Variants in RNLS observed in about 807,000 individuals in gnomAD.
RNLS encodes renalase.
RNLS carries 39 observed loss-of-function variants against 39.8 expected under a neutral mutation model. The ratio of observed to expected loss-of-function variants is 0.98; its 90% CI spans 0.76 to 1.28. The LOEUF (loss-of-function observed/expected upper bound fraction) is 1.28. Ranked by LOEUF, RNLS falls within the 50% of genes most tolerant of loss-of-function variation. The pLI is 0.00. For missense variants in RNLS, 410 were observed against 413.3 expected, an observed-to-expected ratio of 0.99 and a Z score of 0.07; for synonymous variants, 147 against 150.7, an observed-to-expected ratio of 0.98 and a Z score of 0.18.
chr10:88,436,446 CCA>C (rs777643761), intron 4 of RNLS, among the ~76,000 whole-genome samples: 1 of 152,180 alleles, frequency 6.6e-6, no homozygotes, highest in Non-Finnish European at 1.5e-5. Context: ...CACAGCAAAT[CCA>C]CAGATTTATG....
At chr10:88,192,079 C>T in the RNLS span, among the ~76,000 whole-genome samples, 3 of 152,084 alleles carry the variant, frequency 2.0e-5, no homozygotes, top group East Asian at 3.9e-4. Context: ...ACGTAAGGCA[C>T]TTTCTCAACA....
chr10:88,240,639 TC>T, the RNLS span, among the ~76,000 whole-genome samples: 1 of 152,068 alleles, frequency 6.6e-6, no homozygotes, highest in Admixed American at 6.5e-5. Flanking sequence ...ATCACCAGCT[TC>T]TATCAATCTT....
At chr10:88,369,931 C>T (rs1019401901) in intron 4 of RNLS, among the ~76,000 whole-genome samples, 2 of 152,174 alleles carry the variant, frequency 1.3e-5, no homozygotes, top group African/African-American at 4.8e-5. Flanking sequence ...AATGATCCAC[C>T]CGCCTTGGCC....
rs1376394474 is a variant in RNLS at position 88,368,893 on chromosome 10, C to CAA, written c.527-6169_527-6168insTT. ...TTCTATTAGTGGTATACAAAAGACCCATTTCACTGTATCCTTGCTTATATT... is the reference window on the plus strand; with the variant it reads ...TTCTATTAGTGGTATACAAAAGACCCAAATTTCACTGTATCCTTGCTTATATT... On this transcript the variant is annotated intron_variant, in intron 4 of 6. Coordinates refer to ENST00000331772, the MANE Select transcript of RNLS (RefSeq NM_001031709.3). Among the ~76,000 whole-genome samples, 9 of 152,146 alleles carry CAA rather than the reference C, an allele frequency of 5.9e-5. 1 individual carries two copies. The Middle Eastern group carries it at 0.024, about 403-fold the overall frequency.
intron 5 of RNLS, among the ~76,000 whole-genome samples, chr10:88,323,282 A>C (rs1358771977): frequency 6.6e-6 from 1 of 151,808 alleles, no homozygotes; most frequent in Non-Finnish European, 1.5e-5. Context: ...AGAAAAAAAC[A>C]ATTCTAATTA....
intron 4 of RNLS, among the ~76,000 whole-genome samples, chr10:88,479,384 A>C (rs1412490500): frequency 6.6e-6 from 1 of 152,218 alleles, no homozygotes; most frequent in Non-Finnish European, 1.5e-5. Context: ...AGTAGGACAC[A>C]TTTTAATAGC....
At chr10:88,178,398 T>C in the RNLS span, among the ~76,000 whole-genome samples, 7 of 152,104 alleles carry the variant, frequency 4.6e-5, no homozygotes, top group East Asian at 1.3e-3. Flanking sequence ...GCAGCCACAT[T>C]GGCTCCAGGT....
At chr10:88,480,245 A>C (rs1045831660) in intron 4 of RNLS, among the ~76,000 whole-genome samples, 1 of 152,260 alleles carries the variant, frequency 6.6e-6, no homozygotes, top group African/African-American at 2.4e-5. Context: ...TCAATTAAGT[A>C]CAAGTTCTTA....
chr10:88,360,434 T>C (rs757995365), intron 5 of RNLS, among the ~76,000 whole-genome samples: 2 of 152,122 alleles, frequency 1.3e-5, no homozygotes, highest in Non-Finnish European at 2.9e-5. Context: ...AGTATTATTA[T>C]TTATTGTTAT....
At chr10:88,419,833 T>C (rs1435795550) in intron 4 of RNLS, among the ~76,000 whole-genome samples, 1 of 151,308 alleles carries the variant, frequency 6.6e-6, no homozygotes, top group African/African-American at 2.4e-5. Flanking sequence ...GGTGAAACCC[T>C]GTCTCTACTA....
chr10:88,362,508 C>A (rs1338460078), intron 5 of RNLS, 44 bp downstream of exon 5: 11 of 1,560,520 alleles, frequency 7.0e-6, no homozygotes, highest in African/African-American at 1.4e-5. Flanking sequence ...TGATCTACAC[C>A]CACCATTGTT....
intron 4 of RNLS, among the ~76,000 whole-genome samples, chr10:88,471,893 T>C (rs1418051934): frequency 6.6e-6 from 1 of 151,926 alleles, no homozygotes; most frequent in African/African-American, 2.4e-5. Flanking sequence ...AGATCAGCAA[T>C]ATAGGCCCCT....
At chr10:88,467,390 C>A (rs1843277070) in intron 4 of RNLS, among the ~76,000 whole-genome samples, 1 of 152,024 alleles carries the variant, frequency 6.6e-6, no homozygotes, top group Admixed American at 6.6e-5. Flanking sequence ...CCTGCCTGCT[C>A]TTAGGGGAGA....
At chr10:88,415,373 A>G (rs894637092) in intron 4 of RNLS, among the ~76,000 whole-genome samples, 4 of 152,178 alleles carry the variant, frequency 2.6e-5, no homozygotes, top group Admixed American at 6.6e-5. Context: ...TTACTTCAAA[A>G]GACAGATTAT....
At chr10:88,300,038 C>T (rs968625572) in intron 6 of RNLS, among the ~76,000 whole-genome samples, 1 of 152,126 alleles carries the variant, frequency 6.6e-6, no homozygotes, top group Non-Finnish European at 1.5e-5. Flanking sequence ...AAAGCCAGAA[C>T]TCAAAAAATT....
At chr10:88,445,731 C>T (rs148746155) in intron 4 of RNLS, among the ~76,000 whole-genome samples, 54 of 152,224 alleles carry the variant, frequency 3.5e-4, no homozygotes, top group African/African-American at 1.2e-3. Context: ...CATTACATAA[C>T]GATAAAGAGA....
chr10:88,290,103 C>T (rs1323089144), intron 6 of RNLS, among the ~76,000 whole-genome samples: 1 of 152,102 alleles, frequency 6.6e-6, no homozygotes, highest in African/African-American at 2.4e-5. Context: ...GGTAGGCAGA[C>T]AAGTAGGCTG....
chr10:88,208,505 A>T, the RNLS span, among the ~76,000 whole-genome samples: 1 of 152,196 alleles, frequency 6.6e-6, no homozygotes, highest in Non-Finnish European at 1.5e-5. Context: ...ACAATAATGT[A>T]GTATTGGCAT....
At chr10:88,439,264 A>C (rs1329099931) in intron 4 of RNLS, among the ~76,000 whole-genome samples, 2 of 152,200 alleles carry the variant, frequency 1.3e-5, no homozygotes, top group Non-Finnish European at 2.9e-5. Flanking sequence ...AAGAACATGT[A>C]ATCTTAAGCT....
Sources: gnomAD v4.1 joint callset for allele counts (sites outside exome capture counted in the v4.1 genomes callset) on GRCh38, gnomAD v4.1.1 for gene constraint, MANE v1.5 for transcripts, NCBI Gene and HGNC (gene_info 2026-07-23, HGNC 2026-07-21) for gene names.